Variants in POU2F2 observed in about 807,000 individuals in gnomAD.
POU2F2 encodes the protein POU class 2 homeobox 2.
In POU2F2, 14 loss-of-function variants were observed where a neutral mutation model predicts 63.5. The ratio of observed to expected loss-of-function variants is 0.22; its 90% CI spans 0.15 to 0.34. POU2F2 has a LOEUF of 0.34. Among genes scored for constraint, POU2F2 ranks in the 10% least tolerant of loss-of-function variants. POU2F2 has a pLI of 1.00. For synonymous variants in POU2F2, 306 were observed against 348.6 expected, an observed-to-expected ratio of 0.88 and a Z score of 1.36; for missense variants, 607 against 815.2, an observed-to-expected ratio of 0.74 and a Z score of 3.11.
intron 1 of POU2F2, among the ~76,000 whole-genome samples, chr19:42,183,130 G>T (rs942812876): frequency 1.3e-5 from 2 of 152,140 alleles, no homozygotes; most frequent in African/African-American, 4.8e-5. Context: ...CATTCAGTTT[G>T]GTTCCATTTA....
intron 2 of POU2F2, among the ~76,000 whole-genome samples, chr19:42,154,482 GAGAA>G (rs899118921): frequency 1.3e-5 from 2 of 152,116 alleles, no homozygotes; most frequent in African/African-American, 4.8e-5. Flanking sequence ...GAGAGAAACA[GAGAA>G]AGAGCACACA....
At chr19:42,195,567 C>T (rs1295220449) in intron 1 of POU2F2, among the ~76,000 whole-genome samples, 2 of 151,870 alleles carry the variant, frequency 1.3e-5, no homozygotes, top group Non-Finnish European at 2.9e-5. Context: ...CTCCTGACTT[C>T]GTGATCCACC....
chr19:42,124,841 A>G (rs1203495505), intron 1 of POU2F2, among the ~76,000 whole-genome samples: 8 of 152,238 alleles, frequency 5.3e-5, no homozygotes, highest in Admixed American at 2.6e-4. Context: ...TTCCAATTAC[A>G]GGAAATTCAA....
intron 5 of POU2F2, chr19:42,116,674 C>T (rs2031906277): frequency 1.3e-5 from 4 of 306,352 alleles, no homozygotes; most frequent in South Asian, 1.0e-4. Context: ...ATGTCCTTCA[C>T]TGCAGGGAGC....
At chr19:42,168,702 C>A (rs934144418) in intron 1 of POU2F2, among the ~76,000 whole-genome samples, 6 of 152,162 alleles carry the variant, frequency 3.9e-5, no homozygotes, top group African/African-American at 1.4e-4. Context: ...GGGAAAAGTG[C>A]GGCATAGTGG....
At chr19:42,187,456 C>CAAAA (rs35993667) in intron 1 of POU2F2, among the ~76,000 whole-genome samples, 42 of 48,872 alleles carry the variant, frequency 8.6e-4, no homozygotes, top group Non-Finnish European at 1.2e-3. Context: ...GACTCTGTCT[C>CAAAA]AAAAAAAAAA....
intron 1 of POU2F2, among the ~76,000 whole-genome samples, chr19:42,195,123 A>T (rs1418004644): frequency 1.5e-5 from 1 of 68,254 alleles, no homozygotes; most frequent in African/African-American, 6.2e-5. Flanking sequence ...GGGAGGAACG[A>T]AGAGAGGGAG....
intron 5 of POU2F2, among the ~76,000 whole-genome samples, chr19:42,104,932 CCTCT>C (rs1303455117): frequency 6.6e-6 from 1 of 152,098 alleles, no homozygotes; most frequent in Non-Finnish European, 1.5e-5. Flanking sequence ...GTGCTCCTGA[CCTCT>C]CTAACTCTTG....
intron 1 of POU2F2, among the ~76,000 whole-genome samples, chr19:42,163,255 G>A (rs2034586410): frequency 6.6e-6 from 1 of 152,110 alleles, no homozygotes; most frequent in African/African-American, 2.4e-5. Flanking sequence ...GGGAGAGAGA[G>A]GCTTCTGTGG....
intron 1 of POU2F2, among the ~76,000 whole-genome samples, chr19:42,181,829 A>G (rs2034964102): frequency 1.3e-5 from 2 of 152,056 alleles, no homozygotes; most frequent in African/African-American, 4.8e-5. Context: ...CTGGTGGTCC[A>G]CCCACCTCGG....
At position 42,091,959 on chromosome 19, in the gene POU2F2, AGGCATTAGCAGG is replaced by A; in HGVS notation, c.1467-31_1467-20del. ...TGTGCTTCTGCAAGAGGCAAAGCAG[AGGCATTAGCAGG>A]GGCAGGGACCTGCCAACATAACTGG... On this transcript the variant is annotated intron_variant, in intron 13 of 14. Coordinates refer to ENST00000692977, the MANE Select transcript of POU2F2 (RefSeq NM_001394376.1). The A allele has an allele frequency of 6.5e-7, 1 of 1,539,096 alleles. No individual in the cohort carries two copies. The highest frequency in any genetic ancestry group is 8.8e-7 in the Non-Finnish European group (1 of 1,141,612).
chr19:42,138,006 C>T (rs1342805650), intron 2 of POU2F2, among the ~76,000 whole-genome samples: 2 of 152,134 alleles, frequency 1.3e-5, no homozygotes, highest in African/African-American at 4.8e-5. Flanking sequence ...AGGGCCAGAT[C>T]GCACAGGGCC....
Position 42,095,779 on chromosome 19 carries a change from T to A in POU2F2, c.871+9A>T, listed in dbSNP as rs373139362. On this transcript the variant is annotated intron_variant, in intron 9 of 14. Coordinates refer to ENST00000692977, the MANE Select transcript of POU2F2 (RefSeq NM_001394376.1). This position sits in a 1 kb window ranked among gnomAD's most constrained non-coding sequence, Gnocchi z 7.1. Reference sequence around the variant, plus strand: ...CGCCCCCTACGCGGGAACCCCAGCCTGGTCCCACCTGCATCGTTGAGCCAC... The same window carrying A: ...CGCCCCCTACGCGGGAACCCCAGCCAGGTCCCACCTGCATCGTTGAGCCAC... 3.7e-6 allele frequency: 6 copies of A among 1,613,924 alleles called. No individual in the cohort carries two copies. The highest frequency in any genetic ancestry group is 5.1e-6 in the Non-Finnish European group (6 of 1,179,912).
intron 7 of POU2F2, chr19:42,099,303 A>G (rs888601079): frequency 1.8e-6 from 1 of 541,978 alleles, no homozygotes; most frequent in Non-Finnish European, 3.3e-6. Context: ...TGTACTAGAA[A>G]GGGTTAAGAA....
intron 2 of POU2F2, among the ~76,000 whole-genome samples, chr19:42,151,003 A>G (rs1410669075): frequency 6.6e-6 from 1 of 152,046 alleles, no homozygotes; most frequent in African/African-American, 2.4e-5. Context: ...GAGTACCCAC[A>G]CACACATATC....
chr19:42,193,705 T>C (rs766223935), intron 1 of POU2F2, among the ~76,000 whole-genome samples: 2 of 152,244 alleles, frequency 1.3e-5, no homozygotes, highest in Admixed American at 1.3e-4. Context: ...AGAAACAGTA[T>C]AGACAGCCAA....
In POU2F2 at chr19:42,117,459, G is replaced by T; in HGVS notation, c.187-27C>A. 1 of 893,736 alleles carries T rather than the reference G, an allele frequency of 1.1e-6. No individual in the cohort carries two copies. The highest frequency in any genetic ancestry group is 1.7e-6 in the Non-Finnish European group (1 of 575,386). 55.4% of individuals were successfully genotyped at this position (893,736 alleles called of 1,614,324 possible). ...TGTGAACCAAAGAGAGGGCACGTGT[G>T]TGGCAATGGCAATCAGGCTGGCACA... is the stretch of plus-strand genomic sequence containing the variant. On this transcript the variant is annotated intron_variant, in intron 4 of 14. Transcript: ENST00000692977. The surrounding 1 kb of genome is among the most constrained non-coding windows in gnomAD (Gnocchi z 4.4).
chr19:42,140,771 T>C (rs2034111326), intron 2 of POU2F2, among the ~76,000 whole-genome samples: 4 of 152,228 alleles, frequency 2.6e-5, no homozygotes, highest in Admixed American at 2.6e-4. Context: ...CACTGTGGTA[T>C]TCTTGGTGCT....
chr19:42,110,063 T>C (rs1326288808), intron 5 of POU2F2, among the ~76,000 whole-genome samples: 2 of 151,736 alleles, frequency 1.3e-5, no homozygotes, highest in East Asian at 3.9e-4. Flanking sequence ...TCAAGACCAG[T>C]TGGGCAACAT....
Sources: gnomAD v4.1 joint callset for allele counts (sites outside exome capture counted in the v4.1 genomes callset) on GRCh38, gnomAD v4.1.1 for gene constraint, Gnocchi (gnomAD v3.1) non-coding constraint, MANE v1.5 for transcripts, NCBI Gene and HGNC (gene_info 2026-07-23, HGNC 2026-07-21) for gene names.